Variants in HDAC9 observed in about 807,000 individuals in gnomAD.
The protein encoded by HDAC9 is MEF-2 interacting transcription repressor (MITR) protein.
In HDAC9, 41 loss-of-function variants were observed where a neutral mutation model predicts 139.4. The ratio of observed to expected loss-of-function variants is 0.29; its 90% CI spans 0.23 to 0.38. The LOEUF (loss-of-function observed/expected upper bound fraction) is 0.38, where lower values mean the gene tolerates loss of function less well. Ranked by LOEUF, HDAC9 falls within the 10% of genes least tolerant of loss-of-function variation. The pLI is 1.00. For synonymous variants in HDAC9, 517 were observed against 476.2 expected (o/e 1.09, Z -1.12); for missense variants, 1,147 against 1,297.0 (o/e 0.88, Z 1.78).
At chr7:18,993,889 A>G (rs1004358299) in intron 25 of HDAC9, among the ~76,000 whole-genome samples, 6 of 152,170 alleles carry the variant, frequency 3.9e-5, no homozygotes, top group Non-Finnish European at 8.8e-5. Context: ...GTGGGCAGCT[A>G]TAAGTGGTTT....
intron 16 of HDAC9, among the ~76,000 whole-genome samples, chr7:18,770,957 G>C (rs921692835): frequency 2.0e-5 from 3 of 152,136 alleles, no homozygotes; most frequent in African/African-American, 7.2e-5. Flanking sequence ...AAGCCCTGCA[G>C]ACAGCAGAGA....
At chr7:18,121,147 T>G (rs937406626) in intron 1 of HDAC9, among the ~76,000 whole-genome samples, 1 of 152,252 alleles carries the variant, frequency 6.6e-6, no homozygotes, top group African/African-American at 2.4e-5. Flanking sequence ...AAGAAAAAGT[T>G]AATTTAAATT....
At chr7:18,098,779 G>T (rs1453208592) in intron 1 of HDAC9, among the ~76,000 whole-genome samples, 1 of 152,108 alleles carries the variant, frequency 6.6e-6, no homozygotes, top group Non-Finnish European at 1.5e-5. Flanking sequence ...ACTTGTAGAT[G>T]TGCTCTTGAA....
intron 22 of HDAC9, among the ~76,000 whole-genome samples, chr7:18,926,195 T>A (rs992052047): frequency 3.9e-5 from 6 of 152,088 alleles, no homozygotes; most frequent in Admixed American, 3.9e-4. Flanking sequence ...TAAAAAAAAT[T>A]GAAAAATTAG....
At chr7:18,976,217 G>A (rs141510386) in intron 25 of HDAC9, among the ~76,000 whole-genome samples, 155 of 152,298 alleles carry the variant, frequency 1.0e-3, no homozygotes, top group Non-Finnish European at 1.7e-3. Context: ...GAAAAATCAC[G>A]CCTTATCAGA....
chr7:18,350,533 A>G (rs1305669703), intron 1 of HDAC9, among the ~76,000 whole-genome samples: 1 of 152,074 alleles, frequency 6.6e-6, no homozygotes, highest in African/African-American at 2.4e-5. Flanking sequence ...ATTTTAAGCT[A>G]CTTTAGAAAA....
At chr7:18,156,672 G>A (rs1162032363) in intron 1 of HDAC9, among the ~76,000 whole-genome samples, 1 of 152,162 alleles carries the variant, frequency 6.6e-6, no homozygotes, top group Admixed American at 6.5e-5. Context: ...TCTCATCATG[G>A]ATGAAAGTAC....
intron 21 of HDAC9, among the ~76,000 whole-genome samples, chr7:18,843,459 A>T (rs577934423): frequency 6.6e-6 from 1 of 152,224 alleles, no homozygotes; most frequent in African/African-American, 2.4e-5. Flanking sequence ...GTTAATGCTG[A>T]TATGAGATGG....
chr7:18,617,981 T>C (rs138581915), intron 6 of HDAC9, among the ~76,000 whole-genome samples: 1 of 152,332 alleles, frequency 6.6e-6, no homozygotes, highest in African/African-American at 2.4e-5. Flanking sequence ...AAATTTTTCA[T>C]GTTAGCAAGT....
At chr7:18,480,310 A>G (rs111705991) in intron 1 of HDAC9, among the ~76,000 whole-genome samples, 2,690 of 152,306 alleles carry the variant, frequency 0.018, 75 homozygotes, top group African/African-American at 0.059. Flanking sequence ...TGTGTGGTCA[A>G]GATTGAGTCC....
intron 2 of HDAC9, among the ~76,000 whole-genome samples, chr7:18,546,513 T>C (rs141144596): frequency 6.6e-6 from 1 of 152,296 alleles, no homozygotes; most frequent in African/African-American, 2.4e-5. Flanking sequence ...TCTCCTTATA[T>C]TTCAACCTGA....
At chr7:18,123,478 G>T (rs77647989) in intron 1 of HDAC9, among the ~76,000 whole-genome samples, 2 of 152,050 alleles carry the variant, frequency 1.3e-5, no homozygotes, top group African/African-American at 4.8e-5. Context: ...AAACCATATC[G>T]TACAATTTCT....
In HDAC9 at chr7:18,943,980, G is replaced by A. The variant is rs114825104; in HGVS notation, c.2937+8038G>A. The stretch of plus-strand genomic sequence containing the variant: ...TCTGATATTTCCCCCAATCTATTTG[G>A]TCAAGAATTTTAATGACTTCAAACA... On this transcript the variant is annotated intron_variant, in intron 23 of 25. Coordinates refer to ENST00000686413, the MANE Select transcript of HDAC9 (RefSeq NM_178425.4). Among the ~76,000 whole-genome samples the A allele has an allele frequency of 6.6e-3, 999 of 152,080 alleles. 17 individuals carry two copies. Among genetic ancestry groups the A allele is most frequent in the African/African-American group, 0.023 (953 of 41,486 alleles).
At chr7:18,663,444 C>T (rs1008190486) in intron 11 of HDAC9, among the ~76,000 whole-genome samples, 3 of 151,896 alleles carry the variant, frequency 2.0e-5, no homozygotes, top group Admixed American at 1.3e-4. Flanking sequence ...GGTTCCAAGT[C>T]GCGCCCTCCC....
At chr7:18,851,339 AG>A (rs1797273563) in intron 21 of HDAC9, 1 of 151,922 alleles carries the variant, frequency 6.6e-6, no homozygotes, top group African/African-American at 2.4e-5. Flanking sequence ...ATAGTGCTTG[AG>A]CTCTCACGAG....
chr7:18,958,168 C>T (rs924419103), intron 24 of HDAC9, among the ~76,000 whole-genome samples: 3 of 152,118 alleles, frequency 2.0e-5, no homozygotes, highest in Non-Finnish European at 2.9e-5. Flanking sequence ...GCCTTACAGG[C>T]CACAGAAGGG....
At chr7:18,430,439 G>A (rs1790537047) in intron 1 of HDAC9, 1 of 152,184 alleles carries the variant, frequency 6.6e-6, no homozygotes, top group Non-Finnish European at 1.5e-5. Flanking sequence ...GTCCAGGCTG[G>A]TGTCAAACTC....
intron 12 of HDAC9, among the ~76,000 whole-genome samples, chr7:18,719,940 T>C (rs934826427): frequency 4.6e-4 from 70 of 152,320 alleles, no homozygotes; most frequent in Non-Finnish European, 2.4e-4. Context: ...TTGTTGAAAA[T>C]CAATTCATCG....
chr7:18,160,847 A>G (rs1329933624), intron 1 of HDAC9, among the ~76,000 whole-genome samples: 2 of 152,078 alleles, frequency 1.3e-5, no homozygotes, highest in Non-Finnish European at 2.9e-5. Context: ...CAAACTCCTG[A>G]CCTCAAGTGA....
Sources: allele counts gnomAD v4.1 joint callset (sites outside exome capture counted in the v4.1 genomes callset), GRCh38; gene constraint gnomAD v4.1.1; transcripts MANE v1.5; gene names NCBI Gene and HGNC (gene_info 2026-07-23, HGNC 2026-07-21).